The following SLC35F1 variants were observed in gnomAD, a reference collection of about 807,000 sequenced individuals.
The protein encoded by SLC35F1 is solute carrier family 35 member F1, also known as chromosome 6 open reading frame 169.
In SLC35F1, 14 loss-of-function variants were observed where a neutral mutation model predicts 48.7. That is an observed-to-expected ratio of 0.29 (90% CI 0.19 to 0.45). The LOEUF is 0.45. Among genes scored for constraint, SLC35F1 ranks in the 20% least tolerant of loss-of-function variants. SLC35F1 has a pLI of 1.00. For missense variants in SLC35F1, 404 were observed against 500.0 expected, an observed-to-expected ratio of 0.81 and a Z score of 1.83; for synonymous variants, 190 against 202.2, an observed-to-expected ratio of 0.94 and a Z score of 0.51.
At chr6:118,008,525 T>C (rs1305256108) in intron 1 of SLC35F1, among the ~76,000 whole-genome samples, 1 of 152,346 alleles carries the variant, frequency 6.6e-6, no homozygotes, top group Middle Eastern at 3.4e-3. Flanking sequence ...AGTTACAGCA[T>C]GTGGCTGCCA....
chr6:117,960,761 A>G (rs1194634316), intron 1 of SLC35F1, among the ~76,000 whole-genome samples: 1 of 152,190 alleles, frequency 6.6e-6, no homozygotes, highest in Middle Eastern at 3.2e-3. Flanking sequence ...TGGGAGAGAC[A>G]AAAGTCAGGT....
At chr6:118,127,840 CA>C (rs1773650364) in intron 1 of SLC35F1, among the ~76,000 whole-genome samples, 1 of 150,698 alleles carries the variant, frequency 6.6e-6, no homozygotes, top group African/African-American at 2.4e-5. Flanking sequence ...AGCTTCTGCA[CA>C]GCAAAAGAAA....
chr6:118,097,441 C>T (rs1773193029), intron 1 of SLC35F1, among the ~76,000 whole-genome samples: 1 of 152,132 alleles, frequency 6.6e-6, no homozygotes, highest in African/African-American at 2.4e-5. Context: ...GCATTAAAGG[C>T]CTTTTTCCTC....
At chr6:117,986,774 A>G (rs919527073) in intron 1 of SLC35F1, among the ~76,000 whole-genome samples, 1 of 152,266 alleles carries the variant, frequency 6.6e-6, no homozygotes, top group African/African-American at 2.4e-5. Context: ...AGCATCAAAT[A>G]TATCTGAGGT....
At chr6:117,967,514 G>A (rs1776585943) in intron 1 of SLC35F1, among the ~76,000 whole-genome samples, 1 of 152,080 alleles carries the variant, frequency 6.6e-6, no homozygotes, top group African/African-American at 2.4e-5. Flanking sequence ...TGGTCTTTAT[G>A]GGGGTTTCTT....
intron 1 of SLC35F1, among the ~76,000 whole-genome samples, chr6:118,084,073 G>A (rs376236334): frequency 1.3e-5 from 2 of 152,284 alleles, no homozygotes. Flanking sequence ...TTTTGCATAA[G>A]AAGAAGCTGA....
At chr6:118,059,135 A>G (rs1005659064) in intron 1 of SLC35F1, among the ~76,000 whole-genome samples, 3 of 152,224 alleles carry the variant, frequency 2.0e-5, no homozygotes, top group Non-Finnish European at 4.4e-5. Flanking sequence ...CTGCAACAGA[A>G]CAGATAATGC....
intron 1 of SLC35F1, among the ~76,000 whole-genome samples, chr6:118,011,708 C>T (rs1367246353): frequency 6.6e-6 from 1 of 152,204 alleles, no homozygotes; most frequent in Admixed American, 6.5e-5. Context: ...CCACCACTCA[C>T]CTCCTGCTGT....
At chr6:118,181,530 C>T (rs1446961390) in intron 2 of SLC35F1, among the ~76,000 whole-genome samples, 2 of 151,986 alleles carry the variant, frequency 1.3e-5, no homozygotes, top group African/African-American at 4.8e-5. Flanking sequence ...GGAAAATGTG[C>T]AGCAGAGAGA....
intron 1 of SLC35F1, among the ~76,000 whole-genome samples, chr6:118,103,897 A>G (rs940129805): frequency 6.6e-6 from 1 of 152,138 alleles, no homozygotes; most frequent in African/African-American, 2.4e-5. Flanking sequence ...AATGCCATCT[A>G]AAAAAAGTCT....
chr6:118,307,682 C>A (rs1776327631), intron 7 of SLC35F1, among the ~76,000 whole-genome samples: 1 of 152,146 alleles, frequency 6.6e-6, no homozygotes, highest in Non-Finnish European at 1.5e-5. Flanking sequence ...GGAGGTCAGG[C>A]ATCAACTTGT....
chr6:118,160,641 G>GT (rs1774216408), intron 2 of SLC35F1, among the ~76,000 whole-genome samples: 1 of 152,166 alleles, frequency 6.6e-6, no homozygotes, highest in South Asian at 2.1e-4. Context: ...AATGTTAATT[G>GT]TAAGTGCGAA....
At position 118,314,305 on chromosome 6, in the gene SLC35F1, A is replaced by G. The variant is rs1776406968; in HGVS notation, c.*53A>G. The G allele has an allele frequency of 2.6e-5, 40 of 1,512,168 alleles. No individual in the cohort carries two copies. The highest frequency in any genetic ancestry group is 3.4e-5 in the Non-Finnish European group (37 of 1,090,212). The allele number at this position is 1,512,168 out of a possible 1,614,324, so 93.7% of individuals were successfully genotyped here. On this transcript the variant is annotated 3_prime_UTR_variant, in exon 8 of 8. Coordinates refer to ENST00000360388, the MANE Select transcript of SLC35F1 (RefSeq NM_001029858.4). Reference sequence around the variant, plus strand: ...CAACTCATTGGCCATGTTTTTGCCCATCATCTCTGTATTGTACATAGAGAA... The same window carrying G: ...CAACTCATTGGCCATGTTTTTGCCCGTCATCTCTGTATTGTACATAGAGAA...
chr6:118,173,226 A>G (rs1774433431), intron 2 of SLC35F1, among the ~76,000 whole-genome samples: 1 of 152,096 alleles, frequency 6.6e-6, no homozygotes, highest in Non-Finnish European at 1.5e-5. Context: ...GATAAGCTGT[A>G]AAATTACAGT....
At chr6:118,168,244 T>C (rs1774348251) in intron 2 of SLC35F1, among the ~76,000 whole-genome samples, 1 of 152,174 alleles carries the variant, frequency 6.6e-6, no homozygotes, top group Admixed American at 6.6e-5. Context: ...GCTGGGCTTC[T>C]ATGAACTAGA....
At chr6:118,111,642 C>T (rs528955101) in intron 1 of SLC35F1, among the ~76,000 whole-genome samples, 4 of 151,920 alleles carry the variant, frequency 2.6e-5, no homozygotes, top group South Asian at 2.1e-4. Context: ...CTCAGATCTA[C>T]GTAAAGGAAG....
At chr6:118,065,626 A>C (rs1308577108) in intron 1 of SLC35F1, among the ~76,000 whole-genome samples, 1 of 152,240 alleles carries the variant, frequency 6.6e-6, no homozygotes, top group Non-Finnish European at 1.5e-5. Flanking sequence ...CTGCTATCAA[A>C]AAAAGAAAAG....
intron 7 of SLC35F1, among the ~76,000 whole-genome samples, chr6:118,286,063 G>A (rs1776045253): frequency 6.6e-6 from 1 of 152,118 alleles, no homozygotes; most frequent in Admixed American, 6.5e-5. Context: ...CAATCAATTA[G>A]AATTGACATA....
At chr6:117,935,951 A>G (rs781312313) in intron 1 of SLC35F1, among the ~76,000 whole-genome samples, 1 of 152,240 alleles carries the variant, frequency 6.6e-6, no homozygotes, top group Non-Finnish European at 1.5e-5. Flanking sequence ...AGGATCAACC[A>G]TACTTCTTTG....
Sources: gnomAD v4.1 joint callset for allele counts (sites outside exome capture counted in the v4.1 genomes callset) on GRCh38, gnomAD v4.1.1 for gene constraint, MANE v1.5 for transcripts, NCBI Gene and HGNC (gene_info 2026-07-23, HGNC 2026-07-21) for gene names.